The following SLC9C1 variants were observed in gnomAD, a reference collection of about 807,000 sequenced individuals.
SLC9C1 encodes solute carrier family 9 member C1.
In SLC9C1, 97 loss-of-function variants were observed where a neutral mutation model predicts 140.9. That is an observed-to-expected ratio of 0.69 (90% confidence interval 0.58 to 0.82). The LOEUF is 0.82. Ranked by LOEUF, SLC9C1 falls within the 40% of genes least tolerant of loss-of-function variation. The pLI, the probability that SLC9C1 is intolerant of heterozygous loss-of-function variation, is 0.00. For missense variants in SLC9C1, 1,340 were observed against 1,389.3 expected, an observed-to-expected ratio of 0.96 and a Z score of 0.56; for synonymous variants, 440 against 442.6, an observed-to-expected ratio of 0.99 and a Z score of 0.07.
chr3:112,155,798 G>A (rs745996253), intron 26 of SLC9C1, among the ~76,000 whole-genome samples: 4 of 152,116 alleles, frequency 2.6e-5, no homozygotes, highest in African/African-American at 9.7e-5. Flanking sequence ...CCAAAACCAT[G>A]CCCTGTATAT....
At chr3:112,176,310 G>A (rs1213539051) in intron 23 of SLC9C1, among the ~76,000 whole-genome samples, 3 of 152,166 alleles carry the variant, frequency 2.0e-5, no homozygotes, top group East Asian at 1.9e-4. Context: ...TCCGTTCTCC[G>A]TGAATTGAGT....
At chr3:112,199,805 C>T (rs575120817) in intron 19 of SLC9C1, among the ~76,000 whole-genome samples, 2 of 152,136 alleles carry the variant, frequency 1.3e-5, no homozygotes, top group Admixed American at 6.6e-5. Context: ...GACTCATTTT[C>T]TTATTCTGTG....
chr3:112,221,673 TTCTA>T (rs1212848292), intron 13 of SLC9C1, among the ~76,000 whole-genome samples: 8 of 152,064 alleles, frequency 5.3e-5, no homozygotes, highest in African/African-American at 1.9e-4. Context: ...ATTAAAATGA[TTCTA>T]TCTTTGTAAC....
chr3:112,276,957 C>T (rs987284219), intron 5 of SLC9C1, among the ~76,000 whole-genome samples: 5 of 152,006 alleles, frequency 3.3e-5, no homozygotes, highest in African/African-American at 9.7e-5. Flanking sequence ...AGCTATTTCC[C>T]CTTTAATTGG....
chr3:112,147,118 C>T (rs1200809861), intron 28 of SLC9C1, among the ~76,000 whole-genome samples: 2 of 152,050 alleles, frequency 1.3e-5, no homozygotes, highest in Non-Finnish European at 2.9e-5. Context: ...AATAGTGACC[C>T]CTGCTCTTTT....
chr3:112,156,481 G>T (rs2075130865), intron 26 of SLC9C1, among the ~76,000 whole-genome samples: 1 of 152,006 alleles, frequency 6.6e-6, no homozygotes. Flanking sequence ...CAATAAACAT[G>T]GGAGTGAAGA....
rs546206609 is a variant in SLC9C1 at position 112,232,790 on chromosome 3, G to T, written c.1447-1304C>A. 5.3e-5 allele frequency among the ~76,000 whole-genome samples: 8 copies of T among 152,144 alleles called. No individual in the cohort carries two copies. The East Asian group carries it at 1.5e-3, about 29-fold the overall frequency. On this transcript the variant is annotated intron_variant, in intron 12 of 28. Transcript: ENST00000305815. ...ACCATGACTGATTAGTGTGCTGAGT[G>T]TTCTTAAAAGAATGAGTCTGACTGC...
At chr3:112,162,197 A>T (rs894875760) in intron 26 of SLC9C1, among the ~76,000 whole-genome samples, 8 of 152,190 alleles carry the variant, frequency 5.3e-5, no homozygotes, top group Non-Finnish European at 1.2e-4. Flanking sequence ...ATCTAGATAT[A>T]CAATCATGTC....
intron 10 of SLC9C1, among the ~76,000 whole-genome samples, chr3:112,254,610 A>G (rs1166453471): frequency 6.6e-6 from 1 of 152,212 alleles, no homozygotes; most frequent in African/African-American, 2.4e-5. Context: ...TATAGAAAGG[A>G]AAGATCACTG....
intron 20 of SLC9C1, chr3:112,185,815 G>T: frequency 6.3e-7 from 1 of 1,575,474 alleles, no homozygotes; most frequent in Non-Finnish European, 8.6e-7. Flanking sequence ...TGGTAGCGCA[G>T]GGGAGTGCCC....
intron 16 of SLC9C1, 21 bp downstream of exon 16, chr3:112,208,157 C>T (rs367655611): frequency 1.4e-5 from 22 of 1,552,268 alleles, no homozygotes; most frequent in South Asian, 1.2e-4. Context: ...CACTTCCATA[C>T]ACACATAAAT....
intron 18 of SLC9C1, 90 bp downstream of exon 18, chr3:112,202,160 G>T: frequency 7.2e-7 from 1 of 1,391,006 alleles, no homozygotes; most frequent in South Asian, 1.3e-5. Flanking sequence ...AGGAGTCAAA[G>T]ACATCTGCAT....
At chr3:112,271,562 C>T (rs964943774) in intron 6 of SLC9C1, among the ~76,000 whole-genome samples, 1 of 151,876 alleles carries the variant, frequency 6.6e-6, no homozygotes, top group African/African-American at 2.4e-5. Flanking sequence ...CTAAAAGCCA[C>T]GCTTAAGTTT....
At chr3:112,250,016 A>G (rs1161062351) in intron 10 of SLC9C1, among the ~76,000 whole-genome samples, 1 of 150,926 alleles carries the variant, frequency 6.6e-6, no homozygotes, top group Non-Finnish European at 1.5e-5. Context: ...GCACCCATTA[A>G]CTCGTCATTT....
chr3:112,182,466 T>C (rs1455933821), intron 20 of SLC9C1, among the ~76,000 whole-genome samples: 1 of 152,172 alleles, frequency 6.6e-6, no homozygotes, highest in Non-Finnish European at 1.5e-5. Context: ...GTTCAGGTGA[T>C]ACATGTGCAG....
intron 23 of SLC9C1, among the ~76,000 whole-genome samples, chr3:112,174,908 GTGGAGAACAGTC>G (rs1560030500): frequency 6.6e-6 from 1 of 152,132 alleles, no homozygotes; most frequent in Non-Finnish European, 1.5e-5. Context: ...CTGGATCTGC[GTGGAGAACAGTC>G]TGGCCACTTT....
At chr3:112,200,361 C>T (rs563262973) in intron 19 of SLC9C1, among the ~76,000 whole-genome samples, 6 of 152,178 alleles carry the variant, frequency 3.9e-5, no homozygotes, top group South Asian at 2.1e-4. Context: ...AGAGGAAAAA[C>T]GTAACTTCTT....
At chr3:112,198,439 C>A (rs2108021439) in intron 20 of SLC9C1, among the ~76,000 whole-genome samples, 1 of 151,880 alleles carries the variant, frequency 6.6e-6, no homozygotes, top group South Asian at 2.1e-4. Flanking sequence ...TTGGATAAGA[C>A]CTCCAGCATA....
rs76044261 is a variant in SLC9C1 at position 112,199,388 on chromosome 3, G to A, written c.2456C>T (p.Thr819Ile). 7 of 1,596,564 alleles carry A rather than the reference G, an allele frequency of 4.4e-6. No individual in the cohort carries two copies. Among genetic ancestry groups the A allele is most frequent in the Admixed American group, 1.7e-5 (1 of 58,232 alleles). ...TAAGCCAAAAGCCTTAAGAATTTCT[G>A]TAGCCATATTGAGCATAACATTAAT... ...EEINVMLNMA[T>I]EILKAFGLKG... Residue 819 changes from threonine (T) to isoleucine (I), a missense_variant, in exon 20 of 29, where the codon ACA becomes ATA. By Grantham distance (89) the Thr-to-Ile change is moderately conservative. Transcript: ENST00000305815.
Sources: gnomAD v4.1 joint callset for allele counts (sites outside exome capture counted in the v4.1 genomes callset) on GRCh38, gnomAD v4.1.1 for gene constraint, MANE v1.5 for transcripts, NCBI Gene and HGNC (gene_info 2026-07-23, HGNC 2026-07-21) for gene names.